The following PAK5 variants were observed in gnomAD, a reference collection of about 807,000 sequenced individuals.
The protein encoded by PAK5 is serine/threonine-protein kinase PAK 5.
PAK5 carries 16 observed loss-of-function variants against 65.9 expected under a neutral mutation model. The ratio of observed to expected loss-of-function variants is 0.24; its 90% CI spans 0.16 to 0.37. PAK5 has a LOEUF of 0.37. Among genes scored for constraint, PAK5 ranks in the 10% least tolerant of loss-of-function variants. PAK5 has a pLI of 1.00. For missense variants in PAK5, 785 were observed against 903.9 expected (o/e 0.87, Z 1.69); for synonymous variants, 371 against 354.9 (o/e 1.05, Z -0.51).
chr20:9,653,638 T>C (rs925846451), intron 2 of PAK5, among the ~76,000 whole-genome samples: 4 of 152,244 alleles, frequency 2.6e-5, no homozygotes, highest in African/African-American at 9.6e-5. Context: ...GCTCCCCAGA[T>C]GTCTACTACA....
chr20:9,660,271 G>T (rs1292963592), intron 2 of PAK5, among the ~76,000 whole-genome samples: 3 of 150,916 alleles, frequency 2.0e-5, no homozygotes, highest in African/African-American at 7.3e-5. Flanking sequence ...AACTGGCTGT[G>T]GGCAAGTGAC....
intron 1 of PAK5, among the ~76,000 whole-genome samples, chr20:9,736,463 A>T (rs1035054235): frequency 7.2e-5 from 11 of 152,224 alleles, no homozygotes; most frequent in South Asian, 2.1e-4. Flanking sequence ...CAAATTAAAA[A>T]TTTTTTAAGT....
At chr20:9,588,088 C>T (rs577112016) in intron 3 of PAK5, among the ~76,000 whole-genome samples, 5 of 152,198 alleles carry the variant, frequency 3.3e-5, no homozygotes, top group South Asian at 2.1e-4. Flanking sequence ...TTTATTTCAC[C>T]ATTTTGGTAC....
At chr20:9,738,019 T>C (rs1052295191) in intron 1 of PAK5, among the ~76,000 whole-genome samples, 2 of 152,148 alleles carry the variant, frequency 1.3e-5, no homozygotes. Flanking sequence ...CACGTGCCTG[T>C]AGTCCCAGCT....
intron 3 of PAK5, among the ~76,000 whole-genome samples, chr20:9,640,126 T>C (rs2047033147): frequency 6.6e-6 from 1 of 151,908 alleles, no homozygotes; most frequent in Non-Finnish European, 1.5e-5. Flanking sequence ...TACATATATA[T>C]ACATGTGCCA....
At chr20:9,604,257 G>A (rs756342987) in intron 3 of PAK5, among the ~76,000 whole-genome samples, 2 of 152,160 alleles carry the variant, frequency 1.3e-5, no homozygotes, top group African/African-American at 2.4e-5. Flanking sequence ...GTTAAATGAA[G>A]GTTGCCAGCT....
rs910905310 is a variant in PAK5, at chr20:9,711,324, G to A, written c.-50C>T. 2 of 152,112 alleles carry A rather than the reference G, an allele frequency of 1.3e-5. No individual in the cohort carries two copies. Among genetic ancestry groups the A allele is most frequent in the Non-Finnish European group, 2.9e-5 (2 of 68,018 alleles). 9.4% of individuals were successfully genotyped at this position (152,112 alleles called of 1,614,324 possible). A position where few individuals can be genotyped will look rare whatever the true frequency, so the allele number is the denominator to read the frequency against. Reference sequence around the variant, plus strand: ...CTGTGGATGAATTAAAGACTCCAGAGGAGTGTGGCTATTTCTATTCTGCAA... The same window carrying A: ...CTGTGGATGAATTAAAGACTCCAGAAGAGTGTGGCTATTTCTATTCTGCAA... On this transcript the variant is annotated 5_prime_UTR_variant, in exon 2 of 10. Transcript: ENST00000353224.
Position 9,722,625 on chromosome 20 carries a change from A to T in PAK5, c.-161-11190T>A, listed in dbSNP as rs185937092. On this transcript the variant is annotated intron_variant, in intron 1 of 9. Transcript: ENST00000353224. Reference sequence around the variant, plus strand: ...GAGACTCCGTCTCAAATAAATAAATAAATAAATTAATTTTTAAAAAGGCAA... The same window carrying T: ...GAGACTCCGTCTCAAATAAATAAATTAATAAATTAATTTTTAAAAAGGCAA... Among the ~76,000 whole-genome samples the T allele has an allele frequency of 2.4e-3, 365 of 152,240 alleles. 2 individuals are homozygous for T. Among genetic ancestry groups the T allele is most frequent in the African/African-American group, 8.0e-3 (334 of 41,522 alleles).
At chr20:9,649,389 T>G (rs1172621695) in intron 2 of PAK5, among the ~76,000 whole-genome samples, 1 of 152,218 alleles carries the variant, frequency 6.6e-6, no homozygotes, top group African/African-American at 2.4e-5. Context: ...AACACTGCTT[T>G]GATGGATGGT....
chr20:9,751,186 T>C (rs2048573101), intron 1 of PAK5, among the ~76,000 whole-genome samples: 1 of 152,184 alleles, frequency 6.6e-6, no homozygotes, highest in Non-Finnish European at 1.5e-5. Flanking sequence ...TCTAGTGTCT[T>C]TGAAACACTA....
intron 2 of PAK5, among the ~76,000 whole-genome samples, chr20:9,701,070 T>C (rs1290421842): frequency 6.6e-6 from 1 of 152,102 alleles, no homozygotes; most frequent in Non-Finnish European, 1.5e-5. Flanking sequence ...TTTAAAAAGT[T>C]CTCACCCCCT....
intron 3 of PAK5, among the ~76,000 whole-genome samples, chr20:9,596,826 T>C (rs1373176262): frequency 1.3e-5 from 2 of 152,124 alleles, no homozygotes; most frequent in Non-Finnish European, 2.9e-5. Flanking sequence ...AAAACCCGTG[T>C]CCTAATGCAG....
At chr20:9,825,629 G>T (rs951380272) in intron 1 of PAK5, among the ~76,000 whole-genome samples, 3 of 152,044 alleles carry the variant, frequency 2.0e-5, no homozygotes, top group African/African-American at 4.8e-5. Flanking sequence ...GTCCAGTGTT[G>T]AAAGAAATTT....
chr20:9,807,400 A>G (rs1364427584), intron 1 of PAK5, among the ~76,000 whole-genome samples: 2 of 152,134 alleles, frequency 1.3e-5, no homozygotes, highest in Non-Finnish European at 2.9e-5. Flanking sequence ...CGAAGCACCC[A>G]TACGGCAGGG....
At chr20:9,800,217 T>C (rs531064543) in intron 1 of PAK5, among the ~76,000 whole-genome samples, 2 of 152,156 alleles carry the variant, frequency 1.3e-5, no homozygotes, top group African/African-American at 4.8e-5. Context: ...TTGAGATTCA[T>C]GACGCTTTGA....
At chr20:9,746,538 A>C (rs1487223387) in intron 1 of PAK5, among the ~76,000 whole-genome samples, 1 of 152,162 alleles carries the variant, frequency 6.6e-6, no homozygotes, top group Non-Finnish European at 1.5e-5. Flanking sequence ...AACTCAGACC[A>C]AGATCTAAAG....
In PAK5 at chr20:9,537,934, T is replaced by G. The variant is rs2045196463; in HGVS notation, c.*1528A>C. The G allele has an allele frequency of 4.3e-6, 1 of 230,528 alleles. No individual in the cohort carries two copies. Among genetic ancestry groups the G allele is most frequent in the Admixed American group, 5.6e-5 (1 of 17,710 alleles). The allele number at this position is 230,528 out of a possible 1,614,324, so 14.3% of individuals were successfully genotyped here. A position where few individuals can be genotyped will look rare whatever the true frequency, so the allele number is the denominator to read the frequency against. On this transcript the variant is annotated 3_prime_UTR_variant, in exon 10 of 10. Transcript: ENST00000353224. ...TATTAATTACAAAAATTCTTAATTA[T>G]GCTTAGAGCAACCAGAGCGCTATCA...
intron 1 of PAK5, among the ~76,000 whole-genome samples, chr20:9,817,301 G>A (rs1018065169): frequency 6.6e-6 from 1 of 152,012 alleles, no homozygotes; most frequent in Non-Finnish European, 1.5e-5. Context: ...AGACTTTCAA[G>A]TCTACACATA....
At chr20:9,566,501 G>A in intron 4 of PAK5, 117 bp from the exon 5 acceptor site, 1 of 1,017,818 alleles carries the variant, frequency 9.8e-7, no homozygotes, top group Non-Finnish European at 1.5e-6. Context: ...GGAGATGAGA[G>A]GATCTGGCTG....
Sources: allele counts gnomAD v4.1 joint callset (sites outside exome capture counted in the v4.1 genomes callset), GRCh38; gene constraint gnomAD v4.1.1; transcripts MANE v1.5; gene names NCBI Gene and HGNC (gene_info 2026-07-23, HGNC 2026-07-21).